Variants in ANKFN1 observed in about 807,000 individuals in gnomAD.
ANKFN1 encodes ankyrin repeat and fibronectin type-III domain-containing protein 1.
A neutral mutation model predicts 108.7 loss-of-function variants in ANKFN1; 74 were observed. That is an observed-to-expected ratio of 0.68 (90% CI 0.56 to 0.83). ANKFN1 has a LOEUF of 0.83. Among genes scored for constraint, ANKFN1 ranks in the 40% least tolerant of loss-of-function variants. ANKFN1 has a pLI of 0.00. For synonymous variants in ANKFN1, 547 were observed against 516.2 expected (o/e 1.06, Z -0.81); for missense variants, 1,505 against 1,382.3 (o/e 1.09, Z -1.41).
At chr17:56,371,798 T>G (rs1398313381) in intron 6 of ANKFN1, among the ~76,000 whole-genome samples, 1 of 152,204 alleles carries the variant, frequency 6.6e-6, no homozygotes, top group African/African-American at 2.4e-5. Flanking sequence ...CATACATTCC[T>G]TCCCATTCAT....
rs553340179 is a variant in ANKFN1 at position 56,292,303 on chromosome 17, G to A, written c.54-33918G>A. Among the ~76,000 whole-genome samples the A allele has an allele frequency of 3.9e-5, 6 of 152,256 alleles. No individual in the cohort carries two copies. The South Asian group carries it at 6.2e-4, about 16-fold the overall frequency. ...AGCAGGAAAGTCAAATCAGATTTTA[G>A]TACTCTTAATCCTATATCATCTTAG... On this transcript the variant is annotated intron_variant, in intron 3 of 20. Coordinates refer to ENST00000682825, the MANE Select transcript of ANKFN1 (RefSeq NM_001370326.1).
At chr17:56,396,640 G>A (rs954009283) in intron 8 of ANKFN1, among the ~76,000 whole-genome samples, 3 of 151,898 alleles carry the variant, frequency 2.0e-5, no homozygotes, top group Non-Finnish European at 4.4e-5. Flanking sequence ...TACTTGTCAA[G>A]CCCATACCAT....
chr17:56,311,763 A>T (rs184548932), intron 3 of ANKFN1, among the ~76,000 whole-genome samples: 1 of 152,326 alleles, frequency 6.6e-6, no homozygotes, highest in Admixed American at 6.5e-5. Context: ...GTGTATATGA[A>T]ATGTAAGTGA....
At chr17:56,202,246 G>T (rs528828589) in intron 1 of ANKFN1, among the ~76,000 whole-genome samples, 1 of 152,174 alleles carries the variant, frequency 6.6e-6, no homozygotes, top group Admixed American at 6.5e-5. Context: ...TCACATCCAA[G>T]AGTTACTGAA....
chr17:56,245,347 C>G (rs1057489205), intron 3 of ANKFN1, among the ~76,000 whole-genome samples: 1 of 151,950 alleles, frequency 6.6e-6, no homozygotes, highest in African/African-American at 2.4e-5. Flanking sequence ...TTTGTTTGTT[C>G]TAACATCATG....
chr17:56,391,370 G>A (rs8072043), intron 8 of ANKFN1, among the ~76,000 whole-genome samples: 33 of 4,764 alleles, frequency 6.9e-3, no homozygotes, highest in African/African-American at 0.033. Context: ...ATATATATAT[G>A]TGTGTGTGTG....
At chr17:56,242,956 A>G (rs1917697288) in intron 3 of ANKFN1, among the ~76,000 whole-genome samples, 1 of 152,012 alleles carries the variant, frequency 6.6e-6, no homozygotes, top group African/African-American at 2.4e-5. Flanking sequence ...TGTTCCTTTC[A>G]TGTGAAATAT....
intron 3 of ANKFN1, among the ~76,000 whole-genome samples, chr17:56,301,387 T>C (rs1268033555): frequency 6.6e-6 from 1 of 152,242 alleles, no homozygotes. Context: ...TGTAATAGTT[T>C]GGAACTAATC....
chr17:56,210,657 T>C (rs746219222), intron 1 of ANKFN1, among the ~76,000 whole-genome samples: 13 of 152,214 alleles, frequency 8.5e-5, no homozygotes, highest in Admixed American at 1.3e-4. Context: ...TGAAGAAATA[T>C]CTGAGATTAG....
chr17:56,181,727 C>T (rs539503413), intron 1 of ANKFN1, among the ~76,000 whole-genome samples: 2 of 152,044 alleles, frequency 1.3e-5, no homozygotes, highest in East Asian at 1.9e-4. Context: ...CATATATGTA[C>T]GTATATATGT....
At chr17:56,103,849 GA>G (rs1905693609) in intron 4 of ANKFN1, among the ~76,000 whole-genome samples, 1 of 152,184 alleles carries the variant, frequency 6.6e-6, no homozygotes. Flanking sequence ...GGGCCTTGGG[GA>G]AATTGACAAA....
intron 6 of ANKFN1, among the ~76,000 whole-genome samples, chr17:56,355,850 A>G (rs9915451): frequency 0.8 from 121,677 of 151,966 alleles, 49,077 homozygotes; most frequent in East Asian, 0.96. Flanking sequence ...GTGGTTTTTA[A>G]CATATGCACA....
At chr17:56,355,637 G>A (rs559357868) in intron 6 of ANKFN1, among the ~76,000 whole-genome samples, 3 of 152,118 alleles carry the variant, frequency 2.0e-5, no homozygotes, top group Non-Finnish European at 4.4e-5. Context: ...AGTGCTCTAT[G>A]GAAAAGAGAC....
chr17:56,144,241 C>CA (rs1908121478), intron 4 of ANKFN1, among the ~76,000 whole-genome samples: 1 of 149,658 alleles, frequency 6.7e-6, no homozygotes, highest in Non-Finnish European at 1.5e-5. Context: ...CTCTCTACAG[C>CA]AGGAGGACTT....
At chr17:56,160,188 T>A (rs1268637591) in intron 1 of ANKFN1, among the ~76,000 whole-genome samples, 1 of 152,248 alleles carries the variant, frequency 6.6e-6, no homozygotes, top group Non-Finnish European at 1.5e-5. Flanking sequence ...AATTTTATTA[T>A]GAGGCTCTGT....
At chr17:56,361,159 CTTT>C (rs1012918385) in intron 6 of ANKFN1, among the ~76,000 whole-genome samples, 1 of 151,864 alleles carries the variant, frequency 6.6e-6, no homozygotes, top group East Asian at 1.9e-4. Flanking sequence ...TTATAGCCAT[CTTT>C]TTTTTCTTTT....
chr17:56,089,648 T>G (rs113295086), intron 4 of ANKFN1, among the ~76,000 whole-genome samples: 13 of 151,346 alleles, frequency 8.6e-5, no homozygotes, highest in Non-Finnish European at 1.8e-4. Context: ...ATTAAATAGA[T>G]GTATTTTGCG....
intron 1 of ANKFN1, among the ~76,000 whole-genome samples, chr17:56,154,817 T>C (rs867892352): frequency 3.3e-5 from 5 of 152,300 alleles, no homozygotes; most frequent in Non-Finnish European, 7.3e-5. Context: ...ATGAACAGTG[T>C]GGGGTATGAT....
intron 10 of ANKFN1, among the ~76,000 whole-genome samples, chr17:56,443,506 A>G (rs1001790010): frequency 6.6e-6 from 1 of 152,188 alleles, no homozygotes; most frequent in African/African-American, 2.4e-5. Context: ...CATACAGTCC[A>G]TTGTAGCTCT....
Sources: allele counts gnomAD v4.1 joint callset (sites outside exome capture counted in the v4.1 genomes callset), GRCh38; gene constraint gnomAD v4.1.1; transcripts MANE v1.5; gene names NCBI Gene and HGNC (gene_info 2026-07-23, HGNC 2026-07-21).